STPG2: variants seen among roughly 807,000 people sequenced by gnomAD.
The protein encoded by STPG2 is sperm-tail PG-rich repeat-containing protein 2.
STPG2 carries 56 observed loss-of-function variants against 54.2 expected under a neutral mutation model. That is an observed-to-expected ratio of 1.03 (90% CI 0.83 to 1.29). The LOEUF (loss-of-function observed/expected upper bound fraction) is 1.29. STPG2 is among the 50% of genes most tolerant of loss of function. The pLI is 0.00. For missense variants in STPG2, 596 were observed against 544.9 expected, an observed-to-expected ratio of 1.09 and a Z score of -0.93; for synonymous variants, 200 against 181.8, an observed-to-expected ratio of 1.10 and a Z score of -0.81.
chr4:98,006,863 C>T (rs1235486558), intron 5 of STPG2, among the ~76,000 whole-genome samples: 2 of 152,164 alleles, frequency 1.3e-5, no homozygotes. Flanking sequence ...GGTCCCACAC[C>T]TGTTCACATG....
intron 9 of STPG2, among the ~76,000 whole-genome samples, chr4:97,738,766 G>T (rs918126858): frequency 6.6e-6 from 1 of 152,066 alleles, no homozygotes; most frequent in African/African-American, 2.4e-5. Flanking sequence ...AATAATGGGA[G>T]ACTTTAACAC....
At chr4:97,542,164 C>A (rs1202432950) in intron 4 of STPG2, among the ~76,000 whole-genome samples, 1 of 152,072 alleles carries the variant, frequency 6.6e-6, no homozygotes, top group African/African-American at 2.4e-5. Flanking sequence ...AAAAAAACTA[C>A]CATGAGAGTG....
At position 98,090,910 on chromosome 4, in the gene STPG2, C is replaced by T. The variant is rs115666815; in HGVS notation, c.612+15043G>A. ...CTTACTACCTTCAAGACACTTATGCCTATATAATAGATGCTAAAAATAACC... is the reference window on the plus strand; with the variant it reads ...CTTACTACCTTCAAGACACTTATGCTTATATAATAGATGCTAAAAATAACC... On this transcript the variant is annotated intron_variant, in intron 5 of 10. Coordinates refer to ENST00000295268, the MANE Select transcript of STPG2 (RefSeq NM_174952.3). 9.9e-3 allele frequency among the ~76,000 whole-genome samples: 1,497 copies of T among 150,516 alleles called. 10 individuals carry two copies. Among genetic ancestry groups the T allele is most frequent in the Non-Finnish European group, 0.015 (1,009 of 67,386 alleles).
chr4:97,905,532 G>A (rs1731373563), intron 8 of STPG2, among the ~76,000 whole-genome samples: 3 of 151,746 alleles, frequency 2.0e-5, no homozygotes, highest in South Asian at 4.2e-4. Context: ...TCGAGACTAG[G>A]AAGAAACTGC....
intron 8 of STPG2, among the ~76,000 whole-genome samples, chr4:97,929,060 T>C (rs574599546): frequency 6.6e-6 from 1 of 152,164 alleles, no homozygotes; most frequent in Non-Finnish European, 1.5e-5. Context: ...GTAGACCCAG[T>C]GTGTACTGTT....
chr4:97,693,946 T>C (rs1723466406), intron 10 of STPG2, among the ~76,000 whole-genome samples: 1 of 152,094 alleles, frequency 6.6e-6, no homozygotes. Flanking sequence ...AAGATGGAAA[T>C]TAAAAGACTC....
intron 5 of STPG2, among the ~76,000 whole-genome samples, chr4:97,987,501 C>T (rs1734865706): frequency 6.6e-6 from 1 of 151,934 alleles, no homozygotes; most frequent in Non-Finnish European, 1.5e-5. Flanking sequence ...AGAATTAATT[C>T]AGTAAGTTCT....
At chr4:97,615,305 A>G (rs1052222138) in intron 10 of STPG2, among the ~76,000 whole-genome samples, 2 of 152,162 alleles carry the variant, frequency 1.3e-5, no homozygotes, top group South Asian at 4.1e-4. Flanking sequence ...ATCCATGCAT[A>G]GTTTTTTCAA....
chr4:97,620,701 C>T (rs1216139319), intron 10 of STPG2, among the ~76,000 whole-genome samples: 1 of 152,106 alleles, frequency 6.6e-6, no homozygotes, highest in Admixed American at 6.5e-5. Flanking sequence ...CAGTGGGAGA[C>T]TTCAACACCC....
Position 97,651,755 on chromosome 4 carries a change from G to A in STPG2, c.1320+60944C>T, listed in dbSNP as rs557393917. Among the ~76,000 whole-genome samples, 21 of 152,078 alleles carry A rather than the reference G, an allele frequency of 1.4e-4. No individual in the cohort carries two copies. In the South Asian group the frequency reaches 3.9e-3, roughly 28 times the overall value. On this transcript the variant is annotated intron_variant, in intron 10 of 10. Coordinates refer to ENST00000295268, the MANE Select transcript of STPG2 (RefSeq NM_174952.3). ...GAGAAATAGTTAAGAGCAAACTGAT[G>A]AAGGTTGTATGAACTAAAAAAGAGA...
At chr4:97,588,676 T>C (rs1337233169) in intron 10 of STPG2, among the ~76,000 whole-genome samples, 2 of 152,066 alleles carry the variant, frequency 1.3e-5, no homozygotes, top group Admixed American at 1.3e-4. Flanking sequence ...CAATATTTTT[T>C]AAAAATTGAC....
intron 10 of STPG2, among the ~76,000 whole-genome samples, chr4:97,670,896 G>C (rs756382288): frequency 2.6e-5 from 4 of 152,162 alleles, no homozygotes; most frequent in Non-Finnish European, 5.9e-5. Flanking sequence ...TCACACTAAT[G>C]ACTAAGGAAA....
At chr4:97,620,571 G>A (rs1239605980) in intron 10 of STPG2, among the ~76,000 whole-genome samples, 2 of 152,104 alleles carry the variant, frequency 1.3e-5, no homozygotes, top group Non-Finnish European at 2.9e-5. Context: ...TCGGTAAAGA[G>A]TTCAATTCAA....
chr4:97,670,547 C>T (rs1420871459), intron 10 of STPG2, among the ~76,000 whole-genome samples: 1 of 152,098 alleles, frequency 6.6e-6, no homozygotes, highest in East Asian at 1.9e-4. Flanking sequence ...AAATGATGAG[C>T]TTTAGACTAC....
At chr4:97,501,700 A>G (rs1400225877) in intron 4 of STPG2, among the ~76,000 whole-genome samples, 1 of 151,994 alleles carries the variant, frequency 6.6e-6, no homozygotes, top group Admixed American at 6.6e-5. Context: ...TGTCTCAAAA[A>G]AAAAAAGGAA....
chr4:97,893,118 A>G (rs559972984), intron 8 of STPG2: 1 of 152,226 alleles, frequency 6.6e-6, no homozygotes, highest in African/African-American at 2.4e-5. Context: ...GAGGGAAACT[A>G]ACTACATTCC....
intron 10 of STPG2, among the ~76,000 whole-genome samples, chr4:97,688,283 A>C (rs1003469728): frequency 6.6e-6 from 1 of 152,234 alleles, no homozygotes; most frequent in African/African-American, 2.4e-5. Flanking sequence ...ACATTAAAGA[A>C]AATAAATGTA....
At chr4:98,092,679 T>C (rs1738727714) in intron 5 of STPG2, among the ~76,000 whole-genome samples, 4 of 152,082 alleles carry the variant, frequency 2.6e-5, no homozygotes, top group Non-Finnish European at 5.9e-5. Context: ...AAGATCTATA[T>C]TAGTAAATTA....
chr4:97,846,902 A>C (rs1481168064), intron 8 of STPG2, among the ~76,000 whole-genome samples: 3 of 152,150 alleles, frequency 2.0e-5, no homozygotes, highest in Non-Finnish European at 2.9e-5. Context: ...ATATCTTATA[A>C]CTTGTTCTAG....
Sources: allele counts gnomAD v4.1 joint callset (sites outside exome capture counted in the v4.1 genomes callset), GRCh38; gene constraint gnomAD v4.1.1; transcripts MANE v1.5; gene names NCBI Gene and HGNC (gene_info 2026-07-23, HGNC 2026-07-21).